MACROD2: variants seen among roughly 807,000 people sequenced by gnomAD.
MACROD2 encodes ADP-ribose glycohydrolase MACROD2.
In MACROD2, 36 loss-of-function variants were observed where a neutral mutation model predicts 70.4. The observed-to-expected ratio is 0.51, with a 90% CI of 0.39 to 0.68. The LOEUF (loss-of-function observed/expected upper bound fraction) is 0.68, where lower values mean the gene tolerates loss of function less well. Ranked by LOEUF, MACROD2 falls within the 30% of genes least tolerant of loss-of-function variation. MACROD2 has a pLI of 0.00. For missense variants in MACROD2, 496 were observed against 538.4 expected (o/e 0.92, Z 0.78); for synonymous variants, 172 against 178.8 (o/e 0.96, Z 0.30).
chr20:15,087,922 CT>C (rs1259192706), intron 5 of MACROD2, among the ~76,000 whole-genome samples: 1 of 151,682 alleles, frequency 6.6e-6, no homozygotes, highest in African/African-American at 2.4e-5. Flanking sequence ...TATGTTTAAC[CT>C]TTCTAGTAAA....
intron 5 of MACROD2, among the ~76,000 whole-genome samples, chr20:14,929,843 C>T (rs958848378): frequency 2.0e-5 from 3 of 152,130 alleles, no homozygotes; most frequent in Admixed American, 6.5e-5. Context: ...CAGAAAAATT[C>T]TCCTGTCACC....
chr20:15,998,422 T>C (rs954255757), intron 15 of MACROD2, among the ~76,000 whole-genome samples: 4 of 152,216 alleles, frequency 2.6e-5, no homozygotes, highest in African/African-American at 9.6e-5. Context: ...TGTATGCTTC[T>C]AGCAATTTAT....
intron 5 of MACROD2, among the ~76,000 whole-genome samples, chr20:14,694,039 C>T (rs1043821507): frequency 6.6e-6 from 1 of 152,122 alleles, no homozygotes; most frequent in Non-Finnish European, 1.5e-5. Context: ...CCCTTGTCCT[C>T]TAAGAGCTTA....
intron 3 of MACROD2, among the ~76,000 whole-genome samples, chr20:14,189,987 G>C (rs747445616): frequency 1.3e-5 from 2 of 152,144 alleles, no homozygotes; most frequent in Non-Finnish European, 2.9e-5. Context: ...CTTCACTCAA[G>C]AGGGCGCCAT....
intron 3 of MACROD2, among the ~76,000 whole-genome samples, chr20:14,350,899 T>C (rs908069096): frequency 6.6e-6 from 1 of 152,222 alleles, no homozygotes; most frequent in African/African-American, 2.4e-5. Flanking sequence ...ATTTCAATCT[T>C]CAATCCATTT....
At chr20:14,419,440 T>G (rs1600220595) in intron 3 of MACROD2, among the ~76,000 whole-genome samples, 1 of 152,210 alleles carries the variant, frequency 6.6e-6, no homozygotes, top group East Asian at 1.9e-4. Flanking sequence ...CAGATTGATT[T>G]CTGGAAACAT....
At chr20:14,660,437 T>G (rs1308748342) in intron 4 of MACROD2, among the ~76,000 whole-genome samples, 2 of 152,230 alleles carry the variant, frequency 1.3e-5, no homozygotes, top group Non-Finnish European at 2.9e-5. Context: ...GAACTTTAAC[T>G]TATTTGCTAA....
chr20:15,279,308 T>C (rs532425697), intron 6 of MACROD2, among the ~76,000 whole-genome samples: 3 of 152,212 alleles, frequency 2.0e-5, no homozygotes, highest in African/African-American at 7.2e-5. Flanking sequence ...TGGAGAGGCA[T>C]CTCGGAGAAC....
In MACROD2 at chr20:14,324,005, A is replaced by T. The variant is rs1427408055; in HGVS notation, c.272-169474A>T. ...CACAACCTCAAGATGTTGATTTTTT[A>T]AAATTTTTAGCCAACTTTTATTTTT... On this transcript the variant is annotated intron_variant, in intron 3 of 17. Coordinates refer to ENST00000684519, the MANE Select transcript of MACROD2 (RefSeq NM_001351661.2). The T allele has an allele frequency of 4.6e-5, 7 of 152,210 alleles. No homozygotes were observed. In the East Asian group the frequency reaches 1.3e-3, roughly 29 times the overall value. The allele number at this position is 152,210 out of a possible 1,614,324, so 9.4% of individuals were successfully genotyped here. A position where few individuals can be genotyped will look rare whatever the true frequency, so the allele number is the denominator to read the frequency against.
At chr20:14,056,915 C>G (rs116955315) in intron 2 of MACROD2, among the ~76,000 whole-genome samples, 2,420 of 150,818 alleles carry the variant, frequency 0.016, 28 homozygotes, top group Non-Finnish European at 0.028. Flanking sequence ...TGTCATTTTT[C>G]TCATTGTTTT....
intron 5 of MACROD2, among the ~76,000 whole-genome samples, chr20:15,065,487 C>T (rs2075566401): frequency 1.3e-5 from 2 of 151,970 alleles, no homozygotes; most frequent in South Asian, 2.1e-4. Flanking sequence ...AACCCCATCT[C>T]TACTAAAAAT....
chr20:14,213,776 A>T (rs2081590884), intron 3 of MACROD2, among the ~76,000 whole-genome samples: 1 of 152,164 alleles, frequency 6.6e-6, no homozygotes, highest in African/African-American at 2.4e-5. Context: ...GAATCTGTGA[A>T]TATGATTATT....
chr20:14,804,070 A>C (rs1426353047), intron 5 of MACROD2, among the ~76,000 whole-genome samples: 1 of 152,098 alleles, frequency 6.6e-6, no homozygotes, highest in Admixed American at 6.6e-5. Context: ...CAAGATAATT[A>C]GCTTATTTGT....
At chr20:14,208,579 G>A (rs148362491) in intron 3 of MACROD2, among the ~76,000 whole-genome samples, 34 of 152,328 alleles carry the variant, frequency 2.2e-4, no homozygotes, top group African/African-American at 8.2e-4. Flanking sequence ...TAGTGTTACA[G>A]AGAGTAGGTT....
At chr20:15,083,648 T>C (rs1332507798) in intron 5 of MACROD2, among the ~76,000 whole-genome samples, 1 of 151,966 alleles carries the variant, frequency 6.6e-6, no homozygotes, top group Non-Finnish European at 1.5e-5. Context: ...GCATGTAAAA[T>C]GTAATGGTTG....
In MACROD2 at chr20:13,995,943, CG is replaced by C; in HGVS notation, c.46+136del. On this transcript the variant is annotated intron_variant, in intron 1 of 17. Transcript: ENST00000684519. This position sits in a 1 kb window ranked among gnomAD's most constrained non-coding sequence, Gnocchi z 4.3. ...CCTCCCGGCCGGTGCCGCCTCCCTC[CG>C]GTGTCCGTGTGTACACACGCGCACA... 9.6e-7 allele frequency: 1 copy of C among 1,046,654 alleles called. No homozygotes were observed. The highest frequency in any genetic ancestry group is 2.1e-5 in the Admixed American group (1 of 47,242). The allele number at this position is 1,046,654 out of a possible 1,614,324, so 64.8% of individuals were successfully genotyped here. A position where few individuals can be genotyped will look rare whatever the true frequency, so the allele number is the denominator to read the frequency against.
At chr20:14,566,210 G>A (rs1309413498) in intron 4 of MACROD2, among the ~76,000 whole-genome samples, 1 of 151,920 alleles carries the variant, frequency 6.6e-6, no homozygotes, top group East Asian at 1.9e-4. Context: ...TGGGCAAAGG[G>A]CATGAACAAG....
At chr20:14,590,412 A>G (rs1031549877) in intron 4 of MACROD2, among the ~76,000 whole-genome samples, 3 of 152,132 alleles carry the variant, frequency 2.0e-5, no homozygotes, top group Admixed American at 2.0e-4. Context: ...GGGCAGTAAG[A>G]TTTGAATTAA....
chr20:15,400,527 A>AT (rs1491104464), intron 6 of MACROD2, among the ~76,000 whole-genome samples: 8 of 152,214 alleles, frequency 5.3e-5, no homozygotes, highest in African/African-American at 1.9e-4. Flanking sequence ...TATCCAATGC[A>AT]AAGTCAATAG....
Sources: gnomAD v4.1 joint callset for allele counts (sites outside exome capture counted in the v4.1 genomes callset) on GRCh38, gnomAD v4.1.1 for gene constraint, Gnocchi (gnomAD v3.1) non-coding constraint, MANE v1.5 for transcripts, NCBI Gene and HGNC (gene_info 2026-07-23, HGNC 2026-07-21) for gene names.